The following SDC2 variants were observed in gnomAD, a reference collection of about 807,000 sequenced individuals.
SDC2 encodes the protein syndecan-2.
A neutral mutation model predicts 22.2 loss-of-function variants in SDC2; 13 were observed. The ratio of observed to expected loss-of-function variants is 0.59; its 90% CI spans 0.38 to 0.93. SDC2 has a LOEUF of 0.93. SDC2 is among the 40% of genes least tolerant of loss of function. The probability of loss-of-function intolerance (pLI) is 0.00; values close to 1 mark genes in which losing one functional copy is unlikely to be tolerated. For missense variants in SDC2, 235 were observed against 246.8 expected (o/e 0.95, Z 0.32); for synonymous variants, 94 against 92.8 (o/e 1.01, Z -0.07).
intron 1 of SDC2, among the ~76,000 whole-genome samples, chr8:96,576,830 A>C (rs1814513583): frequency 6.6e-6 from 1 of 152,166 alleles, no homozygotes; most frequent in African/African-American, 2.4e-5. Context: ...CCTGGGAAAA[A>C]GGAGAAAACA....
At chr8:96,542,244 C>T (rs1214912518) in intron 1 of SDC2, among the ~76,000 whole-genome samples, 1 of 152,218 alleles carries the variant, frequency 6.6e-6, no homozygotes, top group Admixed American at 6.5e-5. Context: ...CAGCTCTGCT[C>T]CTCCTCCTTG....
At chr8:96,599,111 C>A (rs1022740423) in intron 2 of SDC2, among the ~76,000 whole-genome samples, 2 of 151,608 alleles carry the variant, frequency 1.3e-5, no homozygotes, top group Admixed American at 1.3e-4. Flanking sequence ...CTGGCTAATT[C>A]TTTTTATTTT....
chr8:96,607,036 C>G (rs1323682672), intron 3 of SDC2, among the ~76,000 whole-genome samples: 2 of 152,190 alleles, frequency 1.3e-5, no homozygotes, highest in Non-Finnish European at 2.9e-5. Flanking sequence ...CCCATAGGAT[C>G]TAGGAGCGCA....
At chr8:96,600,740 A>C (rs1266865538) in intron 2 of SDC2, among the ~76,000 whole-genome samples, 1 of 152,204 alleles carries the variant, frequency 6.6e-6, no homozygotes, top group Non-Finnish European at 1.5e-5. Flanking sequence ...GGCTTCAGTC[A>C]CTGCAAGGTC....
chr8:96,549,668 G>C (rs1167986067), intron 1 of SDC2, among the ~76,000 whole-genome samples: 1 of 152,232 alleles, frequency 6.6e-6, no homozygotes, highest in Non-Finnish European at 1.5e-5. Context: ...ATGTGGTTCT[G>C]TAAGTCTTCA....
chr8:96,517,114 T>C (rs1421247740), intron 1 of SDC2, among the ~76,000 whole-genome samples: 4 of 152,208 alleles, frequency 2.6e-5, no homozygotes, highest in Non-Finnish European at 5.9e-5. Flanking sequence ...TATTATTGTC[T>C]GTCCTTTTGA....
chr8:96,519,190 C>T (rs1049098915), intron 1 of SDC2, among the ~76,000 whole-genome samples: 9 of 151,998 alleles, frequency 5.9e-5, no homozygotes, highest in South Asian at 2.1e-4. Flanking sequence ...AAATGGAGGC[C>T]GACCCAGAGT....
At chr8:96,572,693 C>T (rs1257970486) in intron 1 of SDC2, among the ~76,000 whole-genome samples, 1 of 152,092 alleles carries the variant, frequency 6.6e-6, no homozygotes, top group African/African-American at 2.4e-5. Context: ...TCTAGATTTC[C>T]ACCCCTGCAC....
Position 96,593,597 on chromosome 8 carries a change from G to A in SDC2, c.172+6G>A, listed in dbSNP as rs763472339. 6.3e-7 allele frequency: 1 copy of A among 1,582,996 alleles called. No individual in the cohort carries two copies. Among genetic ancestry groups the A allele is most frequent in the Admixed American group, 1.7e-5 (1 of 59,976 alleles). On this transcript the variant is annotated splice_donor_region_variant and intron_variant, in intron 2 of 4. Transcript: ENST00000302190. Reference sequence around the variant, plus strand: ...CGCTTCTGCGTCTGGCTCGGGTAAGGTGGCTGCTTCTAAACACTGGACCTC... The same window carrying A: ...CGCTTCTGCGTCTGGCTCGGGTAAGATGGCTGCTTCTAAACACTGGACCTC...
intron 1 of SDC2, among the ~76,000 whole-genome samples, chr8:96,538,405 TA>T (rs35236709): frequency 0.57 from 87,055 of 151,982 alleles, 26,605 homozygotes; most frequent in Non-Finnish European, 0.7. Context: ...GTACTAAAGA[TA>T]AAAAAAAGTT....
chr8:96,605,963 A>G (rs746582828), intron 3 of SDC2, among the ~76,000 whole-genome samples: 1 of 152,198 alleles, frequency 6.6e-6, no homozygotes, highest in Non-Finnish European at 1.5e-5. Context: ...TTAAGCCTCT[A>G]GACTTAACTA....
rs917124492 is a variant in SDC2 at position 96,609,020 on chromosome 8, T to G, written c.443-365T>G. ...TTTTTTCATGTATACTCTTTAAAATTTTAAGTCAATTATACTATGTTCTCT... is the reference window on the plus strand; with the variant it reads ...TTTTTTCATGTATACTCTTTAAAATGTTAAGTCAATTATACTATGTTCTCT... On this transcript the variant is annotated intron_variant, in intron 4 of 4. Coordinates refer to ENST00000302190, the MANE Select transcript of SDC2 (RefSeq NM_002998.4). 5.3e-5 allele frequency among the ~76,000 whole-genome samples: 8 copies of G among 152,324 alleles called. 1 individual carries two copies. Among genetic ancestry groups the G allele is most frequent in the Admixed American group, 4.6e-4 (7 of 15,296 alleles).
At chr8:96,519,203 C>T (rs1813456003) in intron 1 of SDC2, among the ~76,000 whole-genome samples, 1 of 152,040 alleles carries the variant, frequency 6.6e-6, no homozygotes, top group Non-Finnish European at 1.5e-5. Context: ...CCCAGAGTGC[C>T]CAGAGTGCAG....
At chr8:96,510,238 A>G (rs1586271597) in intron 1 of SDC2, among the ~76,000 whole-genome samples, 2 of 152,298 alleles carry the variant, frequency 1.3e-5, no homozygotes, top group East Asian at 1.9e-4. Context: ...TAGGTCCTAC[A>G]TAGGTGTCTT....
intron 3 of SDC2, among the ~76,000 whole-genome samples, chr8:96,604,304 TA>T (rs1170831441): frequency 6.6e-6 from 1 of 152,200 alleles, no homozygotes; most frequent in Non-Finnish European, 1.5e-5. Context: ...CAGATCGAGA[TA>T]AAAAATGTAG....
chr8:96,562,236 T>C (rs1285970876), intron 1 of SDC2, among the ~76,000 whole-genome samples: 10 of 152,246 alleles, frequency 6.6e-5, no homozygotes, highest in Admixed American at 5.9e-4. Flanking sequence ...TTGTTCCAGC[T>C]CTATTTGTTG....
At chr8:96,553,516 G>A (rs1273200012) in intron 1 of SDC2, among the ~76,000 whole-genome samples, 1 of 151,470 alleles carries the variant, frequency 6.6e-6, no homozygotes. Flanking sequence ...CTCTTAGGAA[G>A]AGATAAGGGT....
chr8:96,553,666 T>A (rs1814062782), intron 1 of SDC2, among the ~76,000 whole-genome samples: 1 of 152,180 alleles, frequency 6.6e-6, no homozygotes, highest in Non-Finnish European at 1.5e-5. Flanking sequence ...TTTATCAACC[T>A]TAAAGAACCA....
At chr8:96,573,652 C>T (rs1384393033) in intron 1 of SDC2, among the ~76,000 whole-genome samples, 1 of 152,052 alleles carries the variant, frequency 6.6e-6, no homozygotes, top group East Asian at 1.9e-4. Context: ...ATTGACTCTG[C>T]CCTGGCTTTC....
Sources: allele counts gnomAD v4.1 joint callset (sites outside exome capture counted in the v4.1 genomes callset), GRCh38; gene constraint gnomAD v4.1.1; transcripts MANE v1.5; gene names NCBI Gene and HGNC (gene_info 2026-07-23, HGNC 2026-07-21).